NUP98: variants seen among roughly 807,000 people sequenced by gnomAD.
NUP98 encodes the protein nucleoporin 98 and 96 precursor.
NUP98 carries 26 observed loss-of-function variants against 191.9 expected under a neutral mutation model. That is an observed-to-expected ratio of 0.14 (90% CI 0.10 to 0.19). NUP98 has a LOEUF of 0.19. Among genes scored for constraint, NUP98 ranks in the 10% least tolerant of loss-of-function variants. The pLI is 1.00. For synonymous variants in NUP98, 808 were observed against 778.4 expected (o/e 1.04, Z -0.63); for missense variants, 1,941 against 2,178.8 (o/e 0.89, Z 2.17).
intron 28 of NUP98, among the ~76,000 whole-genome samples, chr11:3,686,842 C>T (rs1202851962): frequency 6.6e-6 from 1 of 152,056 alleles, no homozygotes; most frequent in Non-Finnish European, 1.5e-5. Context: ...CAAAAATTAG[C>T]CAGGTGTGGT....
chr11:3,703,211 A>G (rs558639951), intron 22 of NUP98, among the ~76,000 whole-genome samples: 2 of 151,944 alleles, frequency 1.3e-5, no homozygotes, highest in East Asian at 3.9e-4. Flanking sequence ...TTCACTCTTC[A>G]AAAACTTTTT....
intron 10 of NUP98, among the ~76,000 whole-genome samples, chr11:3,755,649 C>T (rs760481062): frequency 6.6e-6 from 1 of 152,056 alleles, no homozygotes; most frequent in Non-Finnish European, 1.5e-5. Context: ...TAAAAACAAT[C>T]GTATTTCATG....
At chr11:3,782,235 C>G in intron 1 of NUP98, 90 bp from the exon 2 acceptor site, 2 of 660,954 alleles carry the variant, frequency 3.0e-6, no homozygotes, top group Non-Finnish European at 5.2e-6. Flanking sequence ...AAACTTAGGC[C>G]TATTCGAACT....
At chr11:3,690,042 C>T (rs1279940091) in intron 28 of NUP98, among the ~76,000 whole-genome samples, 2 of 149,898 alleles carry the variant, frequency 1.3e-5, no homozygotes, top group Non-Finnish European at 3.0e-5. Flanking sequence ...ACCTCCAACT[C>T]CCAGGTTCAA....
intron 7 of NUP98, among the ~76,000 whole-genome samples, chr11:3,769,502 A>G (rs943106653): frequency 3.3e-5 from 5 of 150,108 alleles, no homozygotes; most frequent in Non-Finnish European, 7.4e-5. Flanking sequence ...CTTGGGCCCA[A>G]GAGTTCAAGG....
intron 1 of NUP98, among the ~76,000 whole-genome samples, chr11:3,788,273 G>A (rs2082210513): frequency 6.6e-6 from 1 of 152,136 alleles, no homozygotes; most frequent in African/African-American, 2.4e-5. Context: ...TTAGAGTGAA[G>A]AGTATATTAG....
At position 3,676,296 on chromosome 11, in the gene NUP98, G is replaced by C. The variant is rs144533015; in HGVS notation, c.5266C>G (p.Pro1756Ala). The C allele has an allele frequency of 3.7e-6, 6 of 1,614,048 alleles. No individual in the cohort carries two copies. The African/African-American group carries it at 6.7e-5, about 18-fold the overall frequency. ...HPPDRTSDST[P>A]DPQRVPLRLL... Reference sequence around the variant, plus strand: ...CGCAAAGGGACTCGCTGAGGGTCTGGTGTTGAGTCGGAGGTTCTATCAGGA... The same window carrying C: ...CGCAAAGGGACTCGCTGAGGGTCTGCTGTTGAGTCGGAGGTTCTATCAGGA... The change falls in exon 33 of 33, where the codon CCA becomes GCA. Residue 1756 changes from proline (P) to alanine (A), a missense_variant. Physicochemically the swap from Pro to Ala is conservative, Grantham distance 27 (BLOSUM62 -1). Transcript: ENST00000324932.
intron 12 of NUP98, among the ~76,000 whole-genome samples, chr11:3,740,547 G>C (rs1168473466): frequency 6.6e-6 from 1 of 150,868 alleles, no homozygotes; most frequent in African/African-American, 2.4e-5. Context: ...AGTTTATATA[G>C]AAAACTACAT....
intron 12 of NUP98, among the ~76,000 whole-genome samples, chr11:3,736,828 C>A (rs1379103174): frequency 1.3e-5 from 2 of 152,180 alleles, no homozygotes; most frequent in African/African-American, 2.4e-5. Context: ...TCCCCCAAAT[C>A]CAGGTGTCTT....
chr11:3,713,617 G>A (rs1200787983), intron 19 of NUP98, among the ~76,000 whole-genome samples: 1 of 152,160 alleles, frequency 6.6e-6, no homozygotes, highest in African/African-American at 2.4e-5. Context: ...TACTTGGGAG[G>A]CGGAGGCAGA....
chr11:3,768,037 T>A (rs2081397516), intron 8 of NUP98, among the ~76,000 whole-genome samples: 1 of 151,980 alleles, frequency 6.6e-6, no homozygotes, highest in African/African-American at 2.4e-5. Flanking sequence ...ATGAGAAAAA[T>A]ACTTTCAGAA....
At chr11:3,703,247 C>T (rs1244652032) in intron 22 of NUP98, among the ~76,000 whole-genome samples, 2 of 147,346 alleles carry the variant, frequency 1.4e-5, no homozygotes, top group East Asian at 2.0e-4. Flanking sequence ...GACAGAGTCT[C>T]GCCCTGTAGC....
At position 3,702,775 on chromosome 11, in the gene NUP98, G is replaced by A. The variant is rs377274213; in HGVS notation, c.3200C>T (p.Ser1067Phe). ...ASLMNIPSTS[S>F]WSVPPPLTSV... ...AGTCAGGGGTGGAGGGACAGACCAA[G>A]AGGATGTGGATGGGATATTCATTAA... Residue 1067 changes from serine (S) to phenylalanine (F), a missense_variant, in exon 23 of 33, where the codon TCT becomes TTT. Ser to Phe is a radical substitution (Grantham distance 155). Transcript: ENST00000324932. 18 of 1,614,180 alleles carry A rather than the reference G, an allele frequency of 1.1e-5. No individual in the cohort carries two copies. In the African/African-American group the frequency reaches 1.7e-4, roughly 16 times the overall value.
rs528104815 is a variant in NUP98, at chr11:3,749,278, G to A, written c.1267+4038C>T. On this transcript the variant is annotated intron_variant, in intron 11 of 32. Coordinates refer to ENST00000324932, the MANE Select transcript of NUP98 (RefSeq NM_016320.5). ...AGCCGAGATTGCACCACTGCAGTCC[G>A]CAGTCCGGCCTGGGCGACAGAGCGA... Among the ~76,000 whole-genome samples, 388 of 150,140 alleles carry A rather than the reference G, an allele frequency of 2.6e-3. 4 individuals are homozygous for A. The highest frequency in any genetic ancestry group is 8.8e-3 in the African/African-American group (361 of 40,798).
In NUP98 at chr11:3,779,215, G is replaced by A; in HGVS notation, c.119C>T (p.Ser40Phe). Reference sequence around the variant, plus strand: ...AGTATTGTTGCTAGAACCAAATGCAGATGTTCCAAATGCCCCTCCACTAGT... The same window carrying A: ...AGTATTGTTGCTAGAACCAAATGCAAATGTTCCAAATGCCCCTCCACTAGT... Reference protein sequence around the residue: ...GTTSGGAFGTSAFGSSNNTGG... With the variant: ...GTTSGGAFGTFAFGSSNNTGG... Residue 40 changes from serine (S) to phenylalanine (F), a missense_variant, in exon 3 of 33, where the codon TCT becomes TTT. Around this residue, in one of 6 missense-constraint regions of NUP98, gnomAD observed 154 missense variants for 182.9 expected, o/e 0.84. Transcript: ENST00000324932. The A allele has an allele frequency of 6.2e-7, 1 of 1,614,218 alleles. No individual in the cohort carries two copies. The highest frequency in any genetic ancestry group is 8.5e-7 in the Non-Finnish European group (1 of 1,180,024).
intron 27 of NUP98, chr11:3,693,013 GA>G (rs1442793616): frequency 2.1e-6 from 1 of 473,854 alleles, no homozygotes; most frequent in Admixed American, 3.7e-5. Context: ...TAGAAATGAA[GA>G]AGAACCCTCT....
intron 5 of NUP98, among the ~76,000 whole-genome samples, chr11:3,774,584 G>T (rs916690147): frequency 6.6e-6 from 1 of 151,772 alleles, no homozygotes; most frequent in African/African-American, 2.4e-5. Context: ...AATTAGCTTG[G>T]GTGGGTGCCT....
At chr11:3,696,825 C>G (rs1270101460) in intron 25 of NUP98, 1 of 130,410 alleles carries the variant, frequency 7.7e-6, no homozygotes, top group South Asian at 2.6e-4. Flanking sequence ...AAAACAAAAA[C>G]AAAACAAAAA....
intron 1 of NUP98, among the ~76,000 whole-genome samples, chr11:3,788,187 T>C (rs1049096116): frequency 6.6e-5 from 10 of 152,240 alleles, no homozygotes; most frequent in African/African-American, 2.4e-4. Context: ...AAATAGTCCA[T>C]AGCATCTTAC....
Sources: gnomAD v4.1 joint callset for allele counts (sites outside exome capture counted in the v4.1 genomes callset) on GRCh38, gnomAD v4.1.1 for gene constraint, gnomAD v4.1.1 regional missense constraint, MANE v1.5 for transcripts, NCBI Gene and HGNC (gene_info 2026-07-23, HGNC 2026-07-21) for gene names.